Variants in RAB33B observed in about 807,000 individuals in gnomAD.
The protein encoded by RAB33B is RAB33B, member RAS oncogene family, also known as ras-related protein Rab-33B.
In RAB33B, 6 loss-of-function variants were observed where a neutral mutation model predicts 15.0. The ratio of observed to expected loss-of-function variants is 0.40; its 90% CI spans 0.22 to 0.79. The LOEUF (loss-of-function observed/expected upper bound fraction) is 0.79, where lower values mean the gene tolerates loss of function less well. Among genes scored for constraint, RAB33B ranks in the 30% least tolerant of loss-of-function variants. The pLI is 0.37. For synonymous variants in RAB33B, 117 were observed against 108.3 expected (o/e 1.08, Z -0.50); for missense variants, 257 against 296.4 (o/e 0.87, Z 0.98).
At chr4:139,454,060 C>A, upstream of RAB33B, 1 of 1,068,044 alleles carries the variant, frequency 9.4e-7, no homozygotes, top group Non-Finnish European at 1.3e-6. Context: ...CAGGCGCGCT[C>A]GGGGCTGGTG....
In RAB33B at chr4:139,454,204, G is replaced by A. The variant is rs1272162578; in HGVS notation, c.9G>A (p.Glu3=). Reference sequence around the variant, plus strand: ...TGGGGCGGGTCGGGGGAATGGCTGAGGAGATGGAGTCGTCGCTCGAGGCAA... The same window carrying A: ...TGGGGCGGGTCGGGGGAATGGCTGAAGAGATGGAGTCGTCGCTCGAGGCAA... MA[E]EMESSLEASF... The change falls in exon 1 of 2, where the codon GAG becomes GAA. Residue 3 remains glutamate, a synonymous_variant. Transcript: ENST00000305626. 5 of 1,612,054 alleles carry A rather than the reference G, an allele frequency of 3.1e-6. No homozygotes were observed. The highest frequency in any genetic ancestry group is 4.2e-6 in the Non-Finnish European group (5 of 1,178,862).
At chr4:139,447,904 T>C in the RAB33B span, among the ~76,000 whole-genome samples, 1 of 151,972 alleles carries the variant, frequency 6.6e-6, no homozygotes, top group African/African-American at 2.4e-5. Context: ...CCTGACCTCG[T>C]GATCTGCCCG....
chr4:139,466,688 C>T lies in RAB33B; in HGVS notation c.250-5998C>T, dbSNP rs144429394. On this transcript the variant is annotated intron_variant, in intron 1 of 1. Transcript: ENST00000305626. ...CTGCCTCCTGGGTTCAAGCGATTCTCGTGCCTCAGACTCCCAAGTAGCTGG... is the reference window on the plus strand; with the variant it reads ...CTGCCTCCTGGGTTCAAGCGATTCTTGTGCCTCAGACTCCCAAGTAGCTGG... Among the ~76,000 whole-genome samples, 1,232 of 151,874 alleles carry T rather than the reference C, an allele frequency of 8.1e-3. 11 individuals carry two copies. The highest frequency in any genetic ancestry group is 0.024 in the African/African-American group (1,005 of 41,424).
At chr4:139,452,741 G>C (rs1462501732), upstream of RAB33B, 1 of 152,066 alleles carries the variant, frequency 6.6e-6, no homozygotes, top group Non-Finnish European at 1.5e-5. Flanking sequence ...TGGCAACTCC[G>C]GGCATGTTTA....
chr4:139,467,390 T>C (rs77163151), intron 1 of RAB33B, among the ~76,000 whole-genome samples: 1,551 of 146,600 alleles, frequency 0.011, 46 homozygotes, highest in African/African-American at 0.036. Flanking sequence ...TTTTTTTTTT[T>C]TTTAATGGAA....
the RAB33B span, among the ~76,000 whole-genome samples, chr4:139,441,305 C>G: frequency 6.6e-6 from 1 of 152,310 alleles, no homozygotes; most frequent in Middle Eastern, 3.4e-3. Context: ...AGATTCCACT[C>G]TTTAATGAGG....
intron 1 of RAB33B, among the ~76,000 whole-genome samples, chr4:139,456,049 C>T (rs1198545530): frequency 6.6e-6 from 1 of 152,070 alleles, no homozygotes; most frequent in African/African-American, 2.4e-5. Flanking sequence ...ATTTTTCTTC[C>T]GAAAAACTGG....
In RAB33B at chr4:139,476,448, C is replaced by T. The variant is rs1750503966; in HGVS notation, c.*3322C>T. Reference sequence around the variant, plus strand: ...GACATTATTCATGAAGGACTGCTTTCTTAATCAGATATTAAGAAGTTCGTC... The same window carrying T: ...GACATTATTCATGAAGGACTGCTTTTTTAATCAGATATTAAGAAGTTCGTC... On this transcript the variant is annotated 3_prime_UTR_variant, in exon 2 of 2. Transcript: ENST00000305626. 1 of 152,158 alleles carries T rather than the reference C, an allele frequency of 6.6e-6. No homozygotes were observed. Among genetic ancestry groups the T allele is most frequent in the Non-Finnish European group, 1.5e-5 (1 of 68,020 alleles). The allele number at this position is 152,158 out of a possible 1,614,324, so 9.4% of individuals were successfully genotyped here. A position where few individuals can be genotyped will look rare whatever the true frequency, so the allele number is the denominator to read the frequency against.
In RAB33B at chr4:139,463,938, G is replaced by A. The variant is rs569674955; in HGVS notation, c.250-8748G>A. 1.2e-4 allele frequency among the ~76,000 whole-genome samples: 18 copies of A among 152,302 alleles called. No individual in the cohort carries two copies. The South Asian group carries it at 3.7e-3, about 32-fold the overall frequency. On this transcript the variant is annotated intron_variant, in intron 1 of 1. Transcript: ENST00000305626. Reference sequence around the variant, plus strand: ...TCTTTTTAGATATTCCTTTGTAAATGCCTCATTATTAGTTACGTTTATGGC... The same window carrying A: ...TCTTTTTAGATATTCCTTTGTAAATACCTCATTATTAGTTACGTTTATGGC...
upstream of RAB33B, chr4:139,453,412 C>T (rs1749974195): frequency 6.6e-6 from 1 of 152,370 alleles, no homozygotes; most frequent in African/African-American, 2.4e-5. Flanking sequence ...AATGCGCCTG[C>T]CAAGACCTTA....
intron 1 of RAB33B, among the ~76,000 whole-genome samples, chr4:139,462,544 C>CATCTATAT (rs1001754521): frequency 2.6e-5 from 4 of 152,140 alleles, no homozygotes; most frequent in African/African-American, 9.6e-5. Flanking sequence ...TGTAAAAGAC[C>CATCTATAT]ATCTATATAA....
intron 1 of RAB33B, among the ~76,000 whole-genome samples, chr4:139,469,851 GTC>G (rs1364842928): frequency 1.3e-5 from 2 of 152,158 alleles, no homozygotes; most frequent in Non-Finnish European, 2.9e-5. Context: ...AACATACAGA[GTC>G]TCTCTTTGTC....
chr4:139,469,846 A>G (rs2111084672), intron 1 of RAB33B, among the ~76,000 whole-genome samples: 1 of 152,288 alleles, frequency 6.6e-6, no homozygotes, highest in South Asian at 2.1e-4. Context: ...TTCCAAACAT[A>G]CAGAGTCTCT....
At chr4:139,442,972 G>A in the RAB33B span, among the ~76,000 whole-genome samples, 1 of 151,840 alleles carries the variant, frequency 6.6e-6, no homozygotes, top group African/African-American at 2.4e-5. Flanking sequence ...ATAGTATGGA[G>A]AACACTGATA....
the RAB33B span, among the ~76,000 whole-genome samples, chr4:139,446,590 CTG>C: frequency 6.6e-6 from 1 of 152,200 alleles, no homozygotes; most frequent in African/African-American, 2.4e-5. Flanking sequence ...TGGTCAAAAA[CTG>C]TGAAGATATT....
At chr4:139,456,251 A>G (rs1750066172) in intron 1 of RAB33B, among the ~76,000 whole-genome samples, 1 of 152,114 alleles carries the variant, frequency 6.6e-6, no homozygotes, top group South Asian at 2.1e-4. Flanking sequence ...GGGCATAGGT[A>G]GACAGCTAAG....
chr4:139,470,199 T>G (rs1750363175), intron 1 of RAB33B, among the ~76,000 whole-genome samples: 1 of 152,096 alleles, frequency 6.6e-6, no homozygotes, highest in South Asian at 2.1e-4. Context: ...GGGACTAGAG[T>G]TAAAAATCTT....
At chr4:139,468,168 A>G (rs1170237110) in intron 1 of RAB33B, among the ~76,000 whole-genome samples, 1 of 152,150 alleles carries the variant, frequency 6.6e-6, no homozygotes, top group Non-Finnish European at 1.5e-5. Flanking sequence ...AGAAGGTGAA[A>G]GGCATATCTC....
chr4:139,457,423 A>G (rs543095483), intron 1 of RAB33B, among the ~76,000 whole-genome samples: 1 of 152,194 alleles, frequency 6.6e-6, no homozygotes, highest in Non-Finnish European at 1.5e-5. Flanking sequence ...AGTGGCAGAC[A>G]CACCAACCCA....
Sources: allele counts gnomAD v4.1 joint callset (sites outside exome capture counted in the v4.1 genomes callset), GRCh38; gene constraint gnomAD v4.1.1; transcripts MANE v1.5; gene names NCBI Gene and HGNC (gene_info 2026-07-23, HGNC 2026-07-21).